Variants in TMEM232 observed in about 807,000 individuals in gnomAD.
TMEM232 encodes transmembrane protein 232.
A neutral mutation model predicts 78.8 loss-of-function variants in TMEM232; 80 were observed. The ratio of observed to expected loss-of-function variants is 1.01; its 90% confidence interval spans 0.85 to 1.22. TMEM232 has a LOEUF of 1.22. Ranked by LOEUF, TMEM232 falls within the 50% of genes most tolerant of loss-of-function variation. The pLI is 0.00. For missense variants in TMEM232, 881 were observed against 742.2 expected (o/e 1.19, Z -2.17); for synonymous variants, 297 against 254.3 (o/e 1.17, Z -1.60).
chr5:110,644,966 A>C (rs1787278080), intron 2 of TMEM232, among the ~76,000 whole-genome samples: 1 of 151,670 alleles, frequency 6.6e-6, no homozygotes, highest in Non-Finnish European at 1.5e-5. Flanking sequence ...ATATACCAAC[A>C]AATTGGATAA....
At chr5:110,538,329 C>T (rs1772664478) in intron 11 of TMEM232, among the ~76,000 whole-genome samples, 1 of 152,096 alleles carries the variant, frequency 6.6e-6, no homozygotes, top group Non-Finnish European at 1.5e-5. Flanking sequence ...ACGCAGTAAT[C>T]AAAATCAGGT....
chr5:110,517,377 C>A (rs1240841446), intron 12 of TMEM232, among the ~76,000 whole-genome samples: 1 of 152,144 alleles, frequency 6.6e-6, no homozygotes, highest in East Asian at 1.9e-4. Context: ...TTTAGTCAAC[C>A]AGAGAAATTT....
chr5:110,469,217 C>T (rs1762405688), intron 12 of TMEM232, among the ~76,000 whole-genome samples: 1 of 152,186 alleles, frequency 6.6e-6, no homozygotes, highest in South Asian at 2.1e-4. Context: ...GCTTTTACAC[C>T]ATACCATTTT....
chr5:110,503,631 G>A (rs1032076143), intron 12 of TMEM232, among the ~76,000 whole-genome samples: 1 of 152,088 alleles, frequency 6.6e-6, no homozygotes, highest in Non-Finnish European at 1.5e-5. Flanking sequence ...CTGCAGCGAT[G>A]TGCATCCAGA....
At chr5:110,490,869 A>C (rs561232501) in intron 12 of TMEM232, among the ~76,000 whole-genome samples, 8 of 152,196 alleles carry the variant, frequency 5.3e-5, no homozygotes, top group African/African-American at 4.8e-5. Context: ...CTATAGCTAA[A>C]ACTATACATC....
At chr5:110,518,818 CAT>C (rs760679920) in intron 12 of TMEM232, among the ~76,000 whole-genome samples, 107 of 152,016 alleles carry the variant, frequency 7.0e-4, no homozygotes, top group Non-Finnish European at 9.4e-4. Context: ...AACTTTCCCA[CAT>C]GATTTAGCAC....
At chr5:110,481,323 A>G (rs1009114413) in intron 12 of TMEM232, among the ~76,000 whole-genome samples, 3 of 152,186 alleles carry the variant, frequency 2.0e-5, no homozygotes, top group African/African-American at 2.4e-5. Flanking sequence ...GAAAAGCAAC[A>G]TAAGTCAGCA....
At chr5:110,730,821 A>G (rs1798611008), upstream of TMEM232, among the ~76,000 whole-genome samples, 1 of 152,128 alleles carries the variant, frequency 6.6e-6, no homozygotes, top group African/African-American at 2.4e-5. Flanking sequence ...ACACAGCCAA[A>G]CCAGATCATT....
chr5:110,678,873 T>G (rs186686520), intron 1 of TMEM232, among the ~76,000 whole-genome samples: 19 of 152,306 alleles, frequency 1.2e-4, no homozygotes, highest in African/African-American at 4.3e-4. Flanking sequence ...TCATTTTTAG[T>G]GTTAAATAAT....
chr5:110,567,430 T>C (rs1476718225), intron 11 of TMEM232, among the ~76,000 whole-genome samples: 3 of 151,842 alleles, frequency 2.0e-5, no homozygotes, highest in Non-Finnish European at 4.4e-5. Context: ...ATTGTGTGTA[T>C]TGGGATACAG....
intron 12 of TMEM232, among the ~76,000 whole-genome samples, chr5:110,440,853 CA>C (rs1484461033): frequency 6.6e-6 from 1 of 152,108 alleles, no homozygotes; most frequent in Non-Finnish European, 1.5e-5. Context: ...CTAATTTTCT[CA>C]ACAGACAAAT....
chr5:110,600,637 C>G (rs1780770253), intron 10 of TMEM232, among the ~76,000 whole-genome samples: 1 of 151,876 alleles, frequency 6.6e-6, no homozygotes, highest in African/African-American at 2.4e-5. Flanking sequence ...TCTGAAGGGA[C>G]AAATAACAAG....
At chr5:110,554,911 A>T (rs752569142) in intron 11 of TMEM232, among the ~76,000 whole-genome samples, 1 of 151,964 alleles carries the variant, frequency 6.6e-6, no homozygotes, top group African/African-American at 2.4e-5. Context: ...CCAGGAATTT[A>T]TCTATTCCTT....
At chr5:110,451,796 T>G (rs17132153) in intron 12 of TMEM232, among the ~76,000 whole-genome samples, 1 of 152,048 alleles carries the variant, frequency 6.6e-6, no homozygotes, top group East Asian at 1.9e-4. Flanking sequence ...TAGGTAGTTA[T>G]GAACATCACT....
At chr5:110,691,844 T>C (rs1317108806) in intron 1 of TMEM232, among the ~76,000 whole-genome samples, 1 of 152,238 alleles carries the variant, frequency 6.6e-6, no homozygotes, top group Non-Finnish European at 1.5e-5. Flanking sequence ...CTCCCCTTCT[T>C]CTATTTCCTA....
chr5:110,608,398 A>C (rs1405330313), intron 8 of TMEM232, among the ~76,000 whole-genome samples: 1 of 151,812 alleles, frequency 6.6e-6, no homozygotes, highest in Non-Finnish European at 1.5e-5. Context: ...GATGACCACC[A>C]AGATGGAGAA....
chr5:110,656,894 C>T (rs150419267), intron 2 of TMEM232, among the ~76,000 whole-genome samples: 2 of 151,452 alleles, frequency 1.3e-5, no homozygotes, highest in African/African-American at 4.8e-5. Context: ...TTTTAAAAGT[C>T]AGTGGAGATA....
chr5:110,727,170 G>A (rs990369834), upstream of TMEM232, among the ~76,000 whole-genome samples: 1 of 152,102 alleles, frequency 6.6e-6, no homozygotes, highest in Non-Finnish European at 1.5e-5. Context: ...TCTTTTTAAA[G>A]GTAGTATGCA....
chr5:110,587,691 A>ATATATTTGTG (rs1209205049), intron 10 of TMEM232, among the ~76,000 whole-genome samples: 1 of 63,132 alleles, frequency 1.6e-5, no homozygotes, highest in Non-Finnish European at 2.8e-5. Context: ...ATATATATAT[A>ATATATTTGTG]TGTGTGTGTG....
Sources: gnomAD v4.1 joint callset for allele counts (sites outside exome capture counted in the v4.1 genomes callset) on GRCh38, gnomAD v4.1.1 for gene constraint, MANE v1.5 for transcripts, NCBI Gene and HGNC (gene_info 2026-07-23, HGNC 2026-07-21) for gene names.